The following NEK6 variants were observed in gnomAD, a reference collection of about 807,000 sequenced individuals.
NEK6 encodes NIMA related kinase 6.
A neutral mutation model predicts 43.5 loss-of-function variants in NEK6; 27 were observed. The ratio of observed to expected loss-of-function variants is 0.62; its 90% CI spans 0.46 to 0.86. The LOEUF (loss-of-function observed/expected upper bound fraction) is 0.86. NEK6 is among the 40% of genes least tolerant of loss of function. NEK6 has a pLI of 0.00. For synonymous variants in NEK6, 167 were observed against 164.1 expected, an observed-to-expected ratio of 1.02 and a Z score of -0.14; for missense variants, 318 against 414.4, an observed-to-expected ratio of 0.77 and a Z score of 2.02.
intron 8 of NEK6, 33 bp downstream of exon 8, chr9:124,339,698 G>A: frequency 6.6e-7 from 1 of 1,512,830 alleles, no homozygotes; most frequent in East Asian, 2.3e-5. Flanking sequence ...GCAGCATTTG[G>A]TGGGACATGC....
At chr9:124,291,866 AT>A in intron 1 of NEK6, 6 of 985,416 alleles carry the variant, frequency 6.1e-6, no homozygotes, top group Non-Finnish European at 7.2e-6. Context: ...AGCCGGAGCT[AT>A]TTTTAGAGCA....
chr9:124,259,771 G>A (rs1407987288), intron 1 of NEK6, among the ~76,000 whole-genome samples: 1 of 152,212 alleles, frequency 6.6e-6, no homozygotes, highest in African/African-American at 2.4e-5. Context: ...CCTGTGGTTT[G>A]TCAGCCTCTG....
rs2077214367 is a variant in NEK6 at position 124,327,363 on chromosome 9, C to T, written c.540C>T (p.Ile180=). ...ACATCAAGCCTGCCAACGTGTTCAT[C>T]ACAGCCACGGGCGTCGTGAAGCTCG... ...HRDIKPANVF[I]TATGVVKLGD... Residue 180 remains isoleucine, a synonymous_variant, in exon 7 of 10, where the codon ATC becomes ATT. Transcript: ENST00000320246. 6.2e-7 allele frequency: 1 copy of T among 1,613,998 alleles called. No individual in the cohort carries two copies. The highest frequency in any genetic ancestry group is 8.5e-7 in the Non-Finnish European group (1 of 1,180,004).
chr9:124,302,299 C>T (rs1833022478), intron 2 of NEK6, among the ~76,000 whole-genome samples: 1 of 152,158 alleles, frequency 6.6e-6, no homozygotes, highest in South Asian at 2.1e-4. Context: ...TGATCCTGCC[C>T]CTGGAGTGTT....
At chr9:124,297,851 C>T (rs920465110) in intron 1 of NEK6, among the ~76,000 whole-genome samples, 1 of 152,214 alleles carries the variant, frequency 6.6e-6, no homozygotes, top group Non-Finnish European at 1.5e-5. Context: ...CGTCCTTCCA[C>T]GTCCCCTTTG....
intron 9 of NEK6, among the ~76,000 whole-genome samples, chr9:124,348,902 C>T (rs573550788): frequency 5.3e-5 from 8 of 152,356 alleles, no homozygotes; most frequent in East Asian, 1.9e-4. Context: ...TTAAAAAGAC[C>T]GGTGAGGCAG....
intron 9 of NEK6, among the ~76,000 whole-genome samples, chr9:124,350,474 G>A (rs1292948890): frequency 2.7e-5 from 4 of 147,968 alleles, no homozygotes; most frequent in Non-Finnish European, 4.5e-5. Context: ...TTGTCCTCTG[G>A]TTTGGGCATC....
At chr9:124,258,112 C>A in intron 1 of NEK6, 27 bp downstream of exon 1, 7 of 978,886 alleles carry the variant, frequency 7.2e-6, no homozygotes, top group Non-Finnish European at 8.5e-6. Context: ...TGGGGCCGGG[C>A]CGGTGGGGCC....
In NEK6 at chr9:124,350,872, C is replaced by T. The variant is rs748129024; in HGVS notation, c.867C>T (p.Asp289=). Residue 289 remains aspartate, a synonymous_variant, in exon 10 of 10, where the codon GAC becomes GAT. Transcript: ENST00000320246. ...RELVSMCICP[D]PHQRPDIGYV... is the part of the protein sequence containing the mutation. ...TGGTCAGCATGTGCATCTGCCCTGA[C>T]CCCCACCAGAGACCTGACATCGGAT... The T allele has an allele frequency of 6.2e-7, 1 of 1,612,772 alleles. No homozygotes were observed. Among genetic ancestry groups the T allele is most frequent in the Non-Finnish European group, 8.5e-7 (1 of 1,179,892 alleles).
chr9:124,292,261 C>A (rs1468100351), intron 1 of NEK6, among the ~76,000 whole-genome samples: 1 of 152,192 alleles, frequency 6.6e-6, no homozygotes, highest in Non-Finnish European at 1.5e-5. Flanking sequence ...GGTGGGGCTG[C>A]CCATTCAGCC....
chr9:124,270,986 G>T (rs1324117699), intron 1 of NEK6, among the ~76,000 whole-genome samples: 3 of 152,214 alleles, frequency 2.0e-5, no homozygotes, highest in African/African-American at 7.2e-5. Context: ...TTCACACAGA[G>T]CAAGGGCCTT....
chr9:124,330,104 C>T (rs1426060626), intron 7 of NEK6, among the ~76,000 whole-genome samples: 1 of 152,184 alleles, frequency 6.6e-6, no homozygotes, highest in African/African-American at 2.4e-5. Flanking sequence ...TATTTGCTAA[C>T]ACGAGGCTGG....
At position 124,330,215 on chromosome 9, in the gene NEK6, G is replaced by C. The variant is rs1160585180; in HGVS notation, c.622+2770G>C. The stretch of plus-strand genomic sequence containing the variant: ...GTGTCAGAAATAGGAGCCGTAATTA[G>C]AGCGCGGAACAGAATGAGCGTCAGA... On this transcript the variant is annotated intron_variant, in intron 7 of 9. Coordinates refer to ENST00000320246, the MANE Select transcript of NEK6 (RefSeq NM_014397.6). 3.3e-5 allele frequency among the ~76,000 whole-genome samples: 5 copies of C among 152,242 alleles called. No individual in the cohort carries two copies. The East Asian group carries it at 7.7e-4, about 23-fold the overall frequency.
At chr9:124,257,849 C>T, upstream of NEK6, 2 of 1,094,542 alleles carry the variant, frequency 1.8e-6, no homozygotes, top group Non-Finnish European at 2.3e-6. Flanking sequence ...GGGCGCCCCC[C>T]GCCCCTCAAG....
Position 124,350,826 on chromosome 9 carries a change from C to G in NEK6, c.832-11C>G, listed in dbSNP as rs757650618. On this transcript the variant is annotated splice_polypyrimidine_tract_variant and intron_variant, in intron 9 of 9. Transcript: ENST00000320246. ...TTTCTTGAGAATAACACACCATTCTCTCCCCTGCAGTTACGAGAACTGGTC... is the reference window on the plus strand; with the variant it reads ...TTTCTTGAGAATAACACACCATTCTGTCCCCTGCAGTTACGAGAACTGGTC... The G allele has an allele frequency of 6.3e-7, 1 of 1,597,698 alleles. No homozygotes were observed. The highest frequency in any genetic ancestry group is 8.6e-7 in the Non-Finnish European group (1 of 1,166,580).
rs1010079122 is a variant in NEK6 at position 124,326,213 on chromosome 9, C to G, written c.406-117C>G. ...GCTCAGTGGCTCAATCCCCCCCCCC[C>G]GCCCCTGCCAGGCACCAGTTACCCA... On this transcript the variant is annotated intron_variant, in intron 5 of 9. Coordinates refer to ENST00000320246, the MANE Select transcript of NEK6 (RefSeq NM_014397.6). This position sits in a 1 kb window ranked among gnomAD's most constrained non-coding sequence, Gnocchi z 4.5. 21 of 178,980 alleles carry G rather than the reference C, an allele frequency of 1.2e-4. No homozygotes were observed. The highest frequency in any genetic ancestry group is 1.9e-4 in the Non-Finnish European group (14 of 74,272). 11.1% of individuals were successfully genotyped at this position (178,980 alleles called of 1,614,324 possible). A position where few individuals can be genotyped will look rare whatever the true frequency, so the allele number is the denominator to read the frequency against.
chr9:124,290,676 C>T (rs914682241), intron 1 of NEK6, among the ~76,000 whole-genome samples: 1 of 152,262 alleles, frequency 6.6e-6, no homozygotes, highest in Non-Finnish European at 1.5e-5. Context: ...ATTCCTCTCA[C>T]AGACTGGGTG....
chr9:124,291,736 C>A, intron 1 of NEK6: 2 of 807,460 alleles, frequency 2.5e-6, no homozygotes, highest in Non-Finnish European at 3.0e-6. Context: ...AGGAAAGGAC[C>A]CTTGTCCCTC....
chr9:124,291,362 C>T (rs918673774), intron 1 of NEK6, among the ~76,000 whole-genome samples: 12 of 152,302 alleles, frequency 7.9e-5, no homozygotes, highest in Non-Finnish European at 1.6e-4. Flanking sequence ...CACGGTGGCT[C>T]ACGCCTGTAA....
Sources: allele counts gnomAD v4.1 joint callset (sites outside exome capture counted in the v4.1 genomes callset), GRCh38; gene constraint gnomAD v4.1.1; non-coding constraint Gnocchi (gnomAD v3.1); transcripts MANE v1.5; gene names NCBI Gene and HGNC (gene_info 2026-07-23, HGNC 2026-07-21).